The following CLSTN1 variants were observed in gnomAD, a reference collection of about 807,000 sequenced individuals.
CLSTN1 encodes the protein calsyntenin-1.
Under a neutral mutation model 108.3 loss-of-function variants are expected in CLSTN1, and 28 were observed. The observed-to-expected ratio is 0.26, with a 90% CI of 0.19 to 0.35. The LOEUF is 0.35. Ranked by LOEUF, CLSTN1 falls within the 10% of genes least tolerant of loss-of-function variation. The pLI is 1.00. For missense variants in CLSTN1, 1,157 were observed against 1,302.6 expected (o/e 0.89, Z 1.72); for synonymous variants, 524 against 534.9 (o/e 0.98, Z 0.28).
At chr1:9,776,110 C>A (rs1333126321) in intron 1 of CLSTN1, among the ~76,000 whole-genome samples, 1 of 151,922 alleles carries the variant, frequency 6.6e-6, no homozygotes, top group Non-Finnish European at 1.5e-5. Context: ...GTAGCTGGGA[C>A]TACAGGCGCT....
At chr1:9,759,780 G>C (rs1251564423) in intron 2 of CLSTN1, among the ~76,000 whole-genome samples, 1 of 152,120 alleles carries the variant, frequency 6.6e-6, no homozygotes, top group African/African-American at 2.4e-5. Flanking sequence ...CTCTGCTCTA[G>C]AGAGACACCC....
chr1:9,759,054 T>C (rs570654013), intron 2 of CLSTN1, among the ~76,000 whole-genome samples: 2 of 152,262 alleles, frequency 1.3e-5, no homozygotes, highest in East Asian at 3.9e-4. Context: ...CAGCCACATG[T>C]GGCTGGTGGC....
At chr1:9,777,034 T>C (rs1652986242) in intron 1 of CLSTN1, among the ~76,000 whole-genome samples, 1 of 151,782 alleles carries the variant, frequency 6.6e-6, no homozygotes, top group Non-Finnish European at 1.5e-5. Flanking sequence ...CTGGCCAACA[T>C]GGTGAAACCC....
At chr1:9,776,158 G>A (rs911405309) in intron 1 of CLSTN1, among the ~76,000 whole-genome samples, 2 of 151,940 alleles carry the variant, frequency 1.3e-5, no homozygotes, top group African/African-American at 2.4e-5. Context: ...TAGTAGAGAC[G>A]GGATTTCACC....
rs540330989 is a variant in CLSTN1 at position 9,729,439 on chromosome 1, G to A, written c.*1069C>T. On this transcript the variant is annotated 3_prime_UTR_variant, in exon 19 of 19. Coordinates refer to ENST00000377298, the MANE Select transcript of CLSTN1 (RefSeq NM_001009566.3). Reference sequence around the variant, plus strand: ...ATGGCAGGGGGTGCTCTGGGGAGGAGAGAGGAGAGAACAGGCTGTTTTGGA... The same window carrying A: ...ATGGCAGGGGGTGCTCTGGGGAGGAAAGAGGAGAGAACAGGCTGTTTTGGA... 4 of 152,494 alleles carry A rather than the reference G, an allele frequency of 2.6e-5. No individual in the cohort carries two copies. Among genetic ancestry groups the A allele is most frequent in the African/African-American group, 4.8e-5 (2 of 41,350 alleles). The allele number at this position is 152,494 out of a possible 1,614,324, so 9.4% of individuals were successfully genotyped here.
intron 1 of CLSTN1, among the ~76,000 whole-genome samples, chr1:9,804,111 C>T (rs535813567): frequency 2.5e-4 from 38 of 151,972 alleles, no homozygotes; most frequent in Middle Eastern, 3.4e-3. Flanking sequence ...GCCTGTAATC[C>T]CAGCACTTTG....
intron 2 of CLSTN1, among the ~76,000 whole-genome samples, chr1:9,772,293 TAATA>T (rs1430918502): frequency 7.3e-5 from 11 of 151,244 alleles, no homozygotes; most frequent in Non-Finnish European, 1.3e-4. Context: ...GAACACTCTT[TAATA>T]CGAGAAGTTT....
chr1:9,745,483 C>G (rs1327066739), intron 7 of CLSTN1, among the ~76,000 whole-genome samples: 33 of 151,942 alleles, frequency 2.2e-4, no homozygotes, highest in Admixed American at 2.2e-3. Flanking sequence ...ATGGCAAAAC[C>G]CTGTCAATAC....
chr1:9,802,041 G>A (rs1654294256), intron 1 of CLSTN1, among the ~76,000 whole-genome samples: 1 of 152,102 alleles, frequency 6.6e-6, no homozygotes, highest in African/African-American at 2.4e-5. Context: ...CTCTGTGAGA[G>A]GGGTATTATT....
intron 1 of CLSTN1, among the ~76,000 whole-genome samples, chr1:9,819,103 A>C (rs1655098508): frequency 6.6e-6 from 1 of 152,008 alleles, no homozygotes; most frequent in African/African-American, 2.4e-5. Flanking sequence ...CCCTTCAAGC[A>C]AGTCTTCACA....
chr1:9,730,771 C>T lies in CLSTN1; in HGVS notation c.2749-66G>A, dbSNP rs1399349354. Reference sequence around the variant, plus strand: ...CCACAGCCCCGTCACCTGGCATTCTCCTCTCGACAGCCACAGAGGAAGGAG... The same window carrying T: ...CCACAGCCCCGTCACCTGGCATTCTTCTCTCGACAGCCACAGAGGAAGGAG... On this transcript the variant is annotated intron_variant, in intron 18 of 18. Transcript: ENST00000377298. The surrounding 1 kb of genome is among the most constrained non-coding windows in gnomAD (Gnocchi z 5.6). 7.0e-7 allele frequency: 1 copy of T among 1,433,628 alleles called. No homozygotes were observed. Among genetic ancestry groups the T allele is most frequent in the South Asian group, 1.2e-5 (1 of 82,486 alleles). 88.8% of individuals were successfully genotyped at this position (1,433,628 alleles called of 1,614,324 possible). A position where few individuals can be genotyped will look rare whatever the true frequency, so the allele number is the denominator to read the frequency against.
chr1:9,787,684 G>A (rs1180087940), intron 1 of CLSTN1, among the ~76,000 whole-genome samples: 1 of 151,400 alleles, frequency 6.6e-6, no homozygotes, highest in Non-Finnish European at 1.5e-5. Context: ...TTACAGGCGT[G>A]AGCCTTCTAA....
intron 2 of CLSTN1, among the ~76,000 whole-genome samples, chr1:9,763,214 G>T (rs531286229): frequency 1.3e-5 from 2 of 152,074 alleles, no homozygotes; most frequent in African/African-American, 4.8e-5. Context: ...TCCTTGCCTC[G>T]GCCTCCCAAA....
chr1:9,779,998 G>A (rs1352340335), intron 1 of CLSTN1, among the ~76,000 whole-genome samples: 3 of 151,994 alleles, frequency 2.0e-5, no homozygotes, highest in Admixed American at 6.6e-5. Flanking sequence ...AATTACAGAC[G>A]TGCATCACCA....
chr1:9,804,361 C>CAAAA (rs35632390), intron 1 of CLSTN1, among the ~76,000 whole-genome samples: 2 of 65,134 alleles, frequency 3.1e-5, no homozygotes, highest in East Asian at 1.0e-3. Flanking sequence ...GACTCCATCT[C>CAAAA]AAAAAAAAAA....
intron 1 of CLSTN1, among the ~76,000 whole-genome samples, chr1:9,787,751 A>T (rs549957911): frequency 6.6e-6 from 1 of 151,394 alleles, no homozygotes; most frequent in South Asian, 2.2e-4. Flanking sequence ...ACAGTATAAA[A>T]ATTTACCATC....
intron 2 of CLSTN1, among the ~76,000 whole-genome samples, chr1:9,771,699 A>T (rs1400325483): frequency 1.3e-5 from 2 of 152,192 alleles, no homozygotes; most frequent in African/African-American, 4.8e-5. Flanking sequence ...GGCATGGGGT[A>T]CTGCCTCTAC....
intron 2 of CLSTN1, among the ~76,000 whole-genome samples, chr1:9,759,533 C>A (rs1651968509): frequency 6.6e-6 from 1 of 152,226 alleles, no homozygotes; most frequent in Non-Finnish European, 1.5e-5. Flanking sequence ...CCGCCCGCCT[C>A]GGCCTCCCAA....
At chr1:9,818,367 T>C (rs1226781667) in intron 1 of CLSTN1, among the ~76,000 whole-genome samples, 2 of 151,730 alleles carry the variant, frequency 1.3e-5, no homozygotes, top group Non-Finnish European at 1.5e-5. Flanking sequence ...TCTCACTCTG[T>C]CGCCAGGCTG....
Sources: allele counts gnomAD v4.1 joint callset (sites outside exome capture counted in the v4.1 genomes callset), GRCh38; gene constraint gnomAD v4.1.1; non-coding constraint Gnocchi (gnomAD v3.1); transcripts MANE v1.5; gene names NCBI Gene and HGNC (gene_info 2026-07-23, HGNC 2026-07-21).